Variants in PDE3A observed in about 807,000 individuals in gnomAD.
The protein encoded by PDE3A is cGMP-inhibited 3',5'-cyclic phosphodiesterase 3A.
Under a neutral mutation model 98.3 loss-of-function variants are expected in PDE3A, and 43 were observed. The observed-to-expected ratio is 0.44, with a 90% CI of 0.34 to 0.56. The LOEUF (loss-of-function observed/expected upper bound fraction) is 0.56. Ranked by LOEUF, PDE3A falls within the 20% of genes least tolerant of loss-of-function variation. The pLI is 0.01. For synonymous variants in PDE3A, 663 were observed against 567.9 expected, an observed-to-expected ratio of 1.17 and a Z score of -2.38; for missense variants, 1,427 against 1,440.7, an observed-to-expected ratio of 0.99 and a Z score of 0.15.
intron 2 of PDE3A, among the ~76,000 whole-genome samples, chr12:20,587,997 G>A (rs953093766): frequency 2.6e-5 from 4 of 152,182 alleles, no homozygotes; most frequent in African/African-American, 9.7e-5. Flanking sequence ...TTCTTAAAAT[G>A]AGGCAGATAA....
At chr12:20,650,956 G>A (rs1222706956) in intron 14 of PDE3A, among the ~76,000 whole-genome samples, 1 of 151,994 alleles carries the variant, frequency 6.6e-6, no homozygotes, top group Admixed American at 6.6e-5. Context: ...GTATATGGTA[G>A]TTTAAATGTA....
chr12:20,440,905 G>T (rs921208035), intron 1 of PDE3A, among the ~76,000 whole-genome samples: 2 of 93,302 alleles, frequency 2.1e-5, no homozygotes, highest in Admixed American at 2.7e-4. Context: ...TCTCACCTTT[G>T]ATTATTTATG....
chr12:20,391,244 A>G (rs1310840796), intron 1 of PDE3A, among the ~76,000 whole-genome samples: 3 of 151,576 alleles, frequency 2.0e-5, no homozygotes, highest in Non-Finnish European at 4.4e-5. Context: ...GTTATTCTAG[A>G]TGCTTACTAT....
At chr12:20,679,249 G>T (rs191654945) in intron 15 of PDE3A, among the ~76,000 whole-genome samples, 160 of 152,194 alleles carry the variant, frequency 1.1e-3, no homozygotes, top group African/African-American at 3.6e-3. Flanking sequence ...TTAATTTTTA[G>T]TTTATTTTAT....
At chr12:20,411,158 A>G (rs906517301) in intron 1 of PDE3A, among the ~76,000 whole-genome samples, 9 of 152,200 alleles carry the variant, frequency 5.9e-5, no homozygotes, top group African/African-American at 1.7e-4. Flanking sequence ...AACAAAGTTT[A>G]CCATCTTGGT....
At chr12:20,628,753 T>G (rs1488987481) in intron 5 of PDE3A, among the ~76,000 whole-genome samples, 3 of 152,022 alleles carry the variant, frequency 2.0e-5, no homozygotes, top group Non-Finnish European at 4.4e-5. Context: ...CAAAAAGAAA[T>G]AACAGCGCCA....
chr12:20,428,224 C>G lies in PDE3A; in HGVS notation c.960+57980C>G, dbSNP rs1026535265. Among the ~76,000 whole-genome samples the G allele has an allele frequency of 2.6e-5, 4 of 152,046 alleles. No individual in the cohort carries two copies. In the South Asian group the frequency reaches 8.3e-4, roughly 32 times the overall value. ...TCTAAAATCCAGAAAATCACAATCC[C>G]CAAAACATCAAAATCCTGAAAATGT... On this transcript the variant is annotated intron_variant, in intron 1 of 15. Coordinates refer to ENST00000359062, the MANE Select transcript of PDE3A (RefSeq NM_000921.5).
At chr12:20,432,424 C>A (rs1226107137) in intron 1 of PDE3A, among the ~76,000 whole-genome samples, 9 of 151,876 alleles carry the variant, frequency 5.9e-5, no homozygotes. Context: ...CTGTTGTAGA[C>A]TTAAAAAGAG....
At chr12:20,488,822 C>T (rs761693449) in intron 1 of PDE3A, among the ~76,000 whole-genome samples, 4 of 149,856 alleles carry the variant, frequency 2.7e-5, no homozygotes, top group Middle Eastern at 7.0e-3. Context: ...TTGAGGCTGC[C>T]GTGAGCTGTA....
At chr12:20,602,036 T>A (rs1027771896) in intron 2 of PDE3A, among the ~76,000 whole-genome samples, 2 of 152,228 alleles carry the variant, frequency 1.3e-5, no homozygotes, top group Non-Finnish European at 1.5e-5. Context: ...TATCATTTTT[T>A]AAAACTCTTT....
intron 1 of PDE3A, among the ~76,000 whole-genome samples, chr12:20,509,735 C>T (rs996539177): frequency 1.3e-5 from 2 of 151,920 alleles, no homozygotes; most frequent in African/African-American, 2.4e-5. Context: ...GTCTTTTCTT[C>T]TCTTTAGTGC....
intron 2 of PDE3A, among the ~76,000 whole-genome samples, chr12:20,578,674 A>AATT (rs1336548348): frequency 1.3e-5 from 2 of 151,994 alleles, no homozygotes; most frequent in African/African-American, 4.8e-5. Flanking sequence ...TACATTTTTA[A>AATT]ATTATTATTA....
intron 15 of PDE3A, among the ~76,000 whole-genome samples, chr12:20,675,491 T>A (rs1030827603): frequency 5.3e-5 from 8 of 152,206 alleles, no homozygotes; most frequent in African/African-American, 1.9e-4. Flanking sequence ...AGCTGTCTGG[T>A]TCTGAGAGTG....
intron 1 of PDE3A, among the ~76,000 whole-genome samples, chr12:20,496,317 T>G (rs1945918485): frequency 6.6e-6 from 1 of 152,198 alleles, no homozygotes; most frequent in Non-Finnish European, 1.5e-5. Context: ...CCTTTGCCAT[T>G]GTGGTATAAG....
intron 1 of PDE3A, among the ~76,000 whole-genome samples, chr12:20,513,955 T>C (rs532466460): frequency 6.6e-6 from 1 of 152,328 alleles, no homozygotes; most frequent in African/African-American, 2.4e-5. Flanking sequence ...AACACACATC[T>C]GGAACTAAGA....
chr12:20,426,457 C>T (rs568935090), intron 1 of PDE3A, among the ~76,000 whole-genome samples: 12 of 152,214 alleles, frequency 7.9e-5, no homozygotes, highest in African/African-American at 2.2e-4. Flanking sequence ...ACATAGTTGA[C>T]GTACTTCACA....
chr12:20,369,623 G>C lies in PDE3A; in HGVS notation c.339G>C (p.Pro113=). 6.3e-7 allele frequency: 1 copy of C among 1,581,078 alleles called. No individual in the cohort carries two copies. The highest frequency in any genetic ancestry group is 8.6e-7 in the Non-Finnish European group (1 of 1,164,412). ...AAPGAEGGVF[P]GPRGGAPGGG... ...CGGGAGCAGAAGGGGGCGTCTTCCC[G>C]GGGCCTCGGGGAGGTGCTCCCGGGG... The change falls in exon 1 of 16, where the codon CCG becomes CCC. Residue 113 remains proline, a synonymous_variant. Coordinates refer to ENST00000359062, the MANE Select transcript of PDE3A (RefSeq NM_000921.5).
chr12:20,586,838 T>C (rs1321837691), intron 2 of PDE3A, among the ~76,000 whole-genome samples: 2 of 152,186 alleles, frequency 1.3e-5, no homozygotes, highest in Non-Finnish European at 2.9e-5. Flanking sequence ...TAATATTGTT[T>C]CTCAAAAATC....
Position 20,630,077 on chromosome 12 carries a change from T to C in PDE3A, c.1710T>C (p.Ser570=), listed in dbSNP as rs1403260784. The C allele has an allele frequency of 1.2e-6, 2 of 1,613,776 alleles. No homozygotes were observed. Among genetic ancestry groups the C allele is most frequent in the Non-Finnish European group, 1.7e-6 (2 of 1,179,862 alleles). ...GSHRALTYTQ[S]APDLSPQILT... ...ACAGGGCCTTAACTTACACTCAGAG[T>C]GCCCCAGACCTATCCCCTCAAATCC... The change falls in exon 6 of 16, where the codon AGT becomes AGC. Residue 570 remains serine, a synonymous_variant. Coordinates refer to ENST00000359062, the MANE Select transcript of PDE3A (RefSeq NM_000921.5).
Sources: allele counts gnomAD v4.1 joint callset (sites outside exome capture counted in the v4.1 genomes callset), GRCh38; gene constraint gnomAD v4.1.1; transcripts MANE v1.5; gene names NCBI Gene and HGNC (gene_info 2026-07-23, HGNC 2026-07-21).